Variants in LARGE1 observed in about 807,000 individuals in gnomAD.
LARGE1 encodes the protein xylosyl- and glucuronyltransferase LARGE1.
Under a neutral mutation model 87.6 loss-of-function variants are expected in LARGE1, and 43 were observed. That is an observed-to-expected ratio of 0.49 (90% CI 0.38 to 0.63). The LOEUF (loss-of-function observed/expected upper bound fraction) is 0.63, where lower values mean the gene tolerates loss of function less well. LARGE1 is among the 30% of genes least tolerant of loss of function. The pLI is 0.00. For missense variants in LARGE1, 802 were observed against 1,000.2 expected (o/e 0.80, Z 2.67); for synonymous variants, 434 against 394.6 (o/e 1.10, Z -1.18).
At chr22:33,129,058 T>A in the LARGE1 span, among the ~76,000 whole-genome samples, 1 of 152,230 alleles carries the variant, frequency 6.6e-6, no homozygotes, top group Admixed American at 6.5e-5. Flanking sequence ...CAAGCCTGCA[T>A]ATCCTGCACA....
chr22:33,621,559 C>T (rs950754550), intron 4 of LARGE1, among the ~76,000 whole-genome samples: 2 of 152,090 alleles, frequency 1.3e-5, no homozygotes, highest in Non-Finnish European at 2.9e-5. Flanking sequence ...CATCCTGCAC[C>T]ACTATTATTA....
chr22:33,539,118 T>C (rs1258482695), intron 6 of LARGE1, among the ~76,000 whole-genome samples: 4 of 152,288 alleles, frequency 2.6e-5, no homozygotes, highest in Admixed American at 2.0e-4. Context: ...TGTATAAACA[T>C]ACATACACAC....
At chr22:33,649,417 G>A (rs2080721987) in intron 3 of LARGE1, among the ~76,000 whole-genome samples, 1 of 152,128 alleles carries the variant, frequency 6.6e-6, no homozygotes, top group South Asian at 2.1e-4. Flanking sequence ...AGAAACAGCA[G>A]GTCCTATCTA....
intron 11 of LARGE1, among the ~76,000 whole-genome samples, chr22:33,225,789 C>T (rs1925704284): frequency 6.6e-6 from 1 of 152,152 alleles, no homozygotes; most frequent in Admixed American, 6.5e-5. Flanking sequence ...TTAGCTCTCA[C>T]TTATAAATGA....
chr22:33,904,970 A>G (rs563459400), intron 1 of LARGE1, among the ~76,000 whole-genome samples: 1 of 151,552 alleles, frequency 6.6e-6, no homozygotes, highest in Non-Finnish European at 1.5e-5. Flanking sequence ...ATAAGGGTCT[A>G]TGGCAGAAAT....
intron 1 of LARGE1, among the ~76,000 whole-genome samples, chr22:33,899,269 G>A (rs947108110): frequency 1.3e-5 from 2 of 152,042 alleles, no homozygotes; most frequent in Non-Finnish European, 2.9e-5. Flanking sequence ...CCCTATAAAG[G>A]ACTCAAAATC....
In LARGE1 at chr22:33,604,516, C is replaced by G. The variant is rs772655607; in HGVS notation, c.534G>C (p.Ala178=). 25 of 1,613,932 alleles carry G rather than the reference C, an allele frequency of 1.5e-5. No homozygotes were observed. In the African/African-American group the frequency reaches 3.1e-4, roughly 20 times the overall value. ...GGAAGAGCGTGGCCAGGATCTGCTC[C>G]GCAATGGAGTCAGCAATAAGGTGGA... ...LHFHLIADSI[A]EQILATLFQT... Residue 178 remains alanine, a synonymous_variant, in exon 5 of 15, where the codon GCG becomes GCC. Coordinates refer to ENST00000397394, the MANE Select transcript of LARGE1 (RefSeq NM_133642.5).
the LARGE1 span, among the ~76,000 whole-genome samples, chr22:33,122,917 G>C: frequency 6.6e-6 from 1 of 152,180 alleles, no homozygotes; most frequent in Non-Finnish European, 1.5e-5. Context: ...GGACCCTACT[G>C]CTGGTGGTAC....
intron 11 of LARGE1, among the ~76,000 whole-genome samples, chr22:33,239,737 C>T (rs1433134569): frequency 2.0e-5 from 3 of 151,844 alleles, no homozygotes; most frequent in Non-Finnish European, 4.4e-5. Flanking sequence ...CAGGGTTTCA[C>T]TATGTTGGCC....
chr22:33,527,299 G>A (rs189068199), intron 6 of LARGE1, among the ~76,000 whole-genome samples: 1 of 152,316 alleles, frequency 6.6e-6, no homozygotes. Context: ...CTATAGGTCG[G>A]ATGAGCTAGA....
At chr22:33,167,035 A>G (rs1378340170) in intron 11 of LARGE1, among the ~76,000 whole-genome samples, 1 of 152,210 alleles carries the variant, frequency 6.6e-6, no homozygotes, top group Non-Finnish European at 1.5e-5. Flanking sequence ...CAATTTATCA[A>G]TGTGAATGTA....
intron 1 of LARGE1, among the ~76,000 whole-genome samples, chr22:33,783,659 ATTGTTGTTG>A (rs978753040): frequency 6.6e-6 from 1 of 152,130 alleles, no homozygotes; most frequent in Admixed American, 6.6e-5. Flanking sequence ...TTTTGTTGTT[ATTGTTGTTG>A]TTGTTGATTT....
chr22:33,922,534 A>G (rs1215390975), upstream of LARGE1: 1 of 152,106 alleles, frequency 6.6e-6, no homozygotes, highest in East Asian at 1.9e-4. Flanking sequence ...GCGGTGGTAC[A>G]GCAGCGTCCC....
intron 10 of LARGE1, among the ~76,000 whole-genome samples, chr22:33,329,425 G>T (rs942287509): frequency 6.8e-6 from 1 of 147,658 alleles, no homozygotes; most frequent in Non-Finnish European, 1.5e-5. Context: ...ACCTTTGTGG[G>T]TTTTTTTTTT....
chr22:33,133,504 T>C, the LARGE1 span, among the ~76,000 whole-genome samples: 1 of 152,214 alleles, frequency 6.6e-6, no homozygotes, highest in East Asian at 1.9e-4. Flanking sequence ...GCAAGGGACA[T>C]GAACTCATCC....
chr22:33,121,668 G>T, the LARGE1 span, among the ~76,000 whole-genome samples: 68,777 of 152,004 alleles, frequency 0.45, 16,279 homozygotes, highest in South Asian at 0.68. Context: ...TGGGCCTTGT[G>T]GGGAGATACC....
At chr22:33,533,966 T>C (rs1476401626) in intron 6 of LARGE1, among the ~76,000 whole-genome samples, 1 of 152,168 alleles carries the variant, frequency 6.6e-6, no homozygotes, top group Non-Finnish European at 1.5e-5. Flanking sequence ...TTTTTTCATT[T>C]TGTCAAAACT....
At chr22:33,183,073 C>T (rs1219941334) in intron 11 of LARGE1, among the ~76,000 whole-genome samples, 1 of 151,824 alleles carries the variant, frequency 6.6e-6, no homozygotes, top group Admixed American at 6.6e-5. Context: ...ATCTGATAAG[C>T]AGTATCATGT....
At chr22:33,147,790 T>A in the LARGE1 span, among the ~76,000 whole-genome samples, 1 of 152,190 alleles carries the variant, frequency 6.6e-6, no homozygotes, top group Non-Finnish European at 1.5e-5. Context: ...TTCATATAAC[T>A]TCCACTACAA....
Sources: allele counts gnomAD v4.1 joint callset (sites outside exome capture counted in the v4.1 genomes callset), GRCh38; gene constraint gnomAD v4.1.1; transcripts MANE v1.5; gene names NCBI Gene and HGNC (gene_info 2026-07-23, HGNC 2026-07-21).